NFKB1: variants seen among roughly 807,000 people sequenced by gnomAD.
The protein encoded by NFKB1 is nuclear factor NF-kappa-B p105 subunit.
A neutral mutation model predicts 105.1 loss-of-function variants in NFKB1; 9 were observed. That is an observed-to-expected ratio of 0.09 (90% CI 0.05 to 0.15). The LOEUF (loss-of-function observed/expected upper bound fraction) is 0.15, where lower values mean the gene tolerates loss of function less well. Among genes scored for constraint, NFKB1 ranks in the 10% least tolerant of loss-of-function variants. NFKB1 has a pLI of 1.00. For synonymous variants in NFKB1, 440 were observed against 442.2 expected, an observed-to-expected ratio of 1.00 and a Z score of 0.06; for missense variants, 830 against 1,203.7, an observed-to-expected ratio of 0.69 and a Z score of 4.59.
At chr4:102,505,825 A>T (rs1482134245) in intron 1 of NFKB1, among the ~76,000 whole-genome samples, 3 of 152,342 alleles carry the variant, frequency 2.0e-5, no homozygotes. Context: ...GTTGGTACAT[A>T]GTAAGCAATC....
At chr4:102,507,579 G>A (rs1578698691) in intron 1 of NFKB1, among the ~76,000 whole-genome samples, 1 of 152,088 alleles carries the variant, frequency 6.6e-6, no homozygotes, top group Admixed American at 6.5e-5. Context: ...CGGGATTACA[G>A]GCGTGAGCCA....
chr4:102,616,348 A>C, intron 23 of NFKB1, 86 bp from the exon 24 acceptor site: 1 of 1,443,408 alleles, frequency 6.9e-7, no homozygotes, highest in Non-Finnish European at 9.5e-7. Context: ...GGCAGAAGCC[A>C]GTGGGCAAGA....
chr4:102,533,425 G>A (rs1207116315), intron 3 of NFKB1, among the ~76,000 whole-genome samples: 1 of 152,240 alleles, frequency 6.6e-6, no homozygotes, highest in African/African-American at 2.4e-5. Flanking sequence ...AGGAAGGAAA[G>A]TCAGTGTCTA....
Position 102,558,847 on chromosome 4 carries a change from AG to A in NFKB1, c.259-8139del, listed in dbSNP as rs1414024962. Among the ~76,000 whole-genome samples, 7 of 152,306 alleles carry A rather than the reference AG, an allele frequency of 4.6e-5. No individual in the cohort carries two copies. In the East Asian group the frequency reaches 1.4e-3, roughly 29 times the overall value. On this transcript the variant is annotated intron_variant, in intron 5 of 23. Coordinates refer to ENST00000226574, the MANE Select transcript of NFKB1 (RefSeq NM_003998.4). ...CTCTGAGCCTCCATCCTAATGGAGAAGAGAGGCAGTAATCAAAATACATGAA... is the reference window on the plus strand; with the variant it reads ...CTCTGAGCCTCCATCCTAATGGAGAAAGAGGCAGTAATCAAAATACATGAA...
chr4:102,520,646 T>C (rs949848927), intron 1 of NFKB1, among the ~76,000 whole-genome samples: 5 of 152,124 alleles, frequency 3.3e-5, no homozygotes, highest in Admixed American at 6.5e-5. Context: ...GTGCACCAAA[T>C]TGATTCCTTT....
At chr4:102,535,200 A>G (rs931265581) in intron 4 of NFKB1, among the ~76,000 whole-genome samples, 1 of 152,142 alleles carries the variant, frequency 6.6e-6, no homozygotes, top group Non-Finnish European at 1.5e-5. Flanking sequence ...ATCCTGGAAA[A>G]TTTCCCAGCT....
At chr4:102,607,431 T>G (rs1727876064) in intron 18 of NFKB1, 112 bp downstream of exon 18, 1 of 1,266,650 alleles carries the variant, frequency 7.9e-7, no homozygotes, top group Admixed American at 2.1e-5. Context: ...CAGCTCTATT[T>G]GTTTAACATT....
chr4:102,556,650 A>ATGC (rs1380117358), intron 5 of NFKB1, among the ~76,000 whole-genome samples: 2 of 152,134 alleles, frequency 1.3e-5, no homozygotes, highest in Non-Finnish European at 2.9e-5. Flanking sequence ...GATTACTTAC[A>ATGC]TTTGCAAAGG....
intron 8 of NFKB1, among the ~76,000 whole-genome samples, chr4:102,579,507 C>T (rs1371900183): frequency 6.6e-6 from 1 of 151,684 alleles, no homozygotes; most frequent in Non-Finnish European, 1.5e-5. Context: ...GCATAGACAG[C>T]ATGTGACTTC....
chr4:102,531,573 C>T (rs751132120), intron 3 of NFKB1, among the ~76,000 whole-genome samples: 5 of 151,978 alleles, frequency 3.3e-5, no homozygotes, highest in Non-Finnish European at 5.9e-5. Context: ...CTATGGGATG[C>T]GACATAACTC....
intron 1 of NFKB1, chr4:102,510,807 A>G: frequency 2.8e-6 from 1 of 351,246 alleles, no homozygotes; most frequent in Non-Finnish European, 4.4e-6. Flanking sequence ...CTCACTAATT[A>G]TAACTATATT....
In NFKB1 at chr4:102,549,995, T is replaced by C. The variant is rs1722448753; in HGVS notation, c.258+12039T>C. On this transcript the variant is annotated intron_variant, in intron 5 of 23. Coordinates refer to ENST00000226574, the MANE Select transcript of NFKB1 (RefSeq NM_003998.4). ...TTCCTAAATCAATTATCAATAATTG[T>C]TATAAATTTGTGATTTTTCTATTTC... Among the ~76,000 whole-genome samples, 3 of 152,302 alleles carry C rather than the reference T, an allele frequency of 2.0e-5. No homozygotes were observed. In the South Asian group the frequency reaches 6.2e-4, roughly 32 times the overall value.
At chr4:102,611,990 G>T (rs760687748) in intron 20 of NFKB1, 54 bp from the exon 21 acceptor site, 7 of 1,412,548 alleles carry the variant, frequency 5.0e-6, no homozygotes, top group Admixed American at 1.7e-5. Flanking sequence ...GAAACAGACT[G>T]CCCTAGTGGT....
rs1726027771 is a variant in NFKB1, at chr4:102,589,865, G to A, written c.1067-3560G>A. Among the ~76,000 whole-genome samples, 4 of 152,200 alleles carry A rather than the reference G, an allele frequency of 2.6e-5. No individual in the cohort carries two copies. In the South Asian group the frequency reaches 8.3e-4, roughly 32 times the overall value. On this transcript the variant is annotated intron_variant, in intron 11 of 23. Coordinates refer to ENST00000226574, the MANE Select transcript of NFKB1 (RefSeq NM_003998.4). ...GATAGAAAAAGAAGAGAAAGAAAAG[G>A]AAACAGAAAGGAGAAACAAGAACAC... is the stretch of plus-strand genomic sequence containing the variant.
intron 1 of NFKB1, among the ~76,000 whole-genome samples, chr4:102,505,251 A>G (rs1045517654): frequency 2.0e-5 from 3 of 152,256 alleles, no homozygotes; most frequent in African/African-American, 7.2e-5. Context: ...TAAGAGTCAC[A>G]TAAGATGTGA....
chr4:102,549,298 G>T (rs1722387238), intron 5 of NFKB1, among the ~76,000 whole-genome samples: 1 of 150,856 alleles, frequency 6.6e-6, no homozygotes, highest in African/African-American at 2.4e-5. Flanking sequence ...ACCAAGAATG[G>T]CTTCTCTTTC....
At chr4:102,600,703 T>C (rs570306948) in intron 15 of NFKB1, among the ~76,000 whole-genome samples, 192 bp from the exon 16 acceptor site, 2 of 152,312 alleles carry the variant, frequency 1.3e-5, no homozygotes, top group Admixed American at 1.3e-4. Context: ...GGGTAGGCAG[T>C]TGGGAGGGAC....
intron 6 of NFKB1, among the ~76,000 whole-genome samples, chr4:102,568,409 A>T (rs1269285790): frequency 1.3e-5 from 2 of 152,158 alleles, no homozygotes; most frequent in African/African-American, 2.4e-5. Context: ...GTTGTATGTC[A>T]CAGTTTGTTC....
At position 102,584,673 on chromosome 4, in the gene NFKB1, A is replaced by T. The variant is rs748763015; in HGVS notation, c.928-9A>T. 5.0e-6 allele frequency: 8 copies of T among 1,585,896 alleles called. No individual in the cohort carries two copies. The highest frequency in any genetic ancestry group is 6.0e-6 in the Non-Finnish European group (7 of 1,170,378). ...CCTACACCAACATGTGGTTCTTCGT[A>T]TCCTGCAGTTTGCCATTGTCTTCAA... On this transcript the variant is annotated splice_polypyrimidine_tract_variant and intron_variant, in intron 10 of 23. Transcript: ENST00000226574.
Sources: gnomAD v4.1 joint callset for allele counts (sites outside exome capture counted in the v4.1 genomes callset) on GRCh38, gnomAD v4.1.1 for gene constraint, MANE v1.5 for transcripts, NCBI Gene and HGNC (gene_info 2026-07-23, HGNC 2026-07-21) for gene names.